The following TRMT44 variants were observed in gnomAD, a reference collection of about 807,000 sequenced individuals.
TRMT44 encodes the protein probable tRNA (uracil-O(2)-)-methyltransferase.
In TRMT44, 78 loss-of-function variants were observed where a neutral mutation model predicts 77.3. The observed-to-expected ratio is 1.01, with a 90% confidence interval of 0.84 to 1.22. The LOEUF is 1.22. TRMT44 is among the 50% of genes most tolerant of loss of function. The probability of loss-of-function intolerance (pLI) is 0.00; values close to 1 mark genes in which losing one functional copy is unlikely to be tolerated. For synonymous variants in TRMT44, 391 were observed against 383.3 expected (o/e 1.02, Z -0.23); for missense variants, 1,090 against 964.4 (o/e 1.13, Z -1.73).
chr4:8,458,464 CTTT>C (rs56203512), intron 6 of TRMT44, among the ~76,000 whole-genome samples: 4 of 130,318 alleles, frequency 3.1e-5, no homozygotes, highest in Admixed American at 8.0e-5. Context: ...CTTTTCTTTT[CTTT>C]TTTTTTTTTT....
In TRMT44 at chr4:8,465,532, G is replaced by T; in HGVS notation, c.1465G>T (p.Asp489Tyr). The change falls in exon 8 of 11, where the codon GAC becomes TAC. Residue 489 changes from aspartate to tyrosine, a missense_variant. Coordinates refer to ENST00000389737, the MANE Select transcript of TRMT44 (RefSeq NM_152544.3). ...GFTCGFHVDE[D>Y]CLRIPSTKRV... ...CACCTGTGGGTTTCACGTGGACGAA[G>T]ACTGCCTCAGGATTCCTTCAACCAA... 6.2e-7 allele frequency: 1 copy of T among 1,613,670 alleles called. No individual in the cohort carries two copies.
At chr4:8,442,703 C>T (rs1724827869) in intron 1 of TRMT44, among the ~76,000 whole-genome samples, 2 of 152,160 alleles carry the variant, frequency 1.3e-5, no homozygotes, top group South Asian at 2.1e-4. Flanking sequence ...GGACTGGGGT[C>T]CTTGTTCCCT....
Position 8,489,317 on chromosome 4 carries a change from C to T in TRMT44, n.3892-3949C>T, listed in dbSNP as rs1464215860. 2.0e-5 allele frequency among the ~76,000 whole-genome samples: 3 copies of T among 152,218 alleles called. No homozygotes were observed. The East Asian group carries it at 5.8e-4, about 29-fold the overall frequency. On this transcript the variant is annotated intron_variant and non_coding_transcript_variant, in intron 2 of 2. Coordinates refer to the TRMT44 transcript ENST00000511366. ...GGCCTCCTTATGGATGACAGTGAAACACCTATGCAAAAATTCTATCAGTGA... is the reference window on the plus strand; with the variant it reads ...GGCCTCCTTATGGATGACAGTGAAATACCTATGCAAAAATTCTATCAGTGA...
rs895413765 is a variant in TRMT44, at chr4:8,451,535, G to A, written c.955-425G>A. 6.6e-6 allele frequency among the ~76,000 whole-genome samples: 1 copy of A among 152,216 alleles called. No individual in the cohort carries two copies. The highest frequency in any genetic ancestry group is 2.1e-4 in the South Asian group (1 of 4,836). ...TTTATCCCTGTTTGACAGGTAGGGC[G>A]ACAGCAGCCACTGATGGACCAGGGG... On this transcript the variant is annotated intron_variant, in intron 3 of 10. Coordinates refer to ENST00000389737, the MANE Select transcript of TRMT44 (RefSeq NM_152544.3). The surrounding 1 kb of genome is among the most constrained non-coding windows in gnomAD (Gnocchi z 4.1).
At chr4:8,467,595 C>T (rs1425236526) in intron 8 of TRMT44, among the ~76,000 whole-genome samples, 1 of 152,176 alleles carries the variant, frequency 6.6e-6, no homozygotes, top group Admixed American at 6.5e-5. Flanking sequence ...ATCCTCCTGC[C>T]TCAGCCTCCT....
chr4:8,511,861 A>G, the TRMT44 span: 1 of 152,194 alleles, frequency 6.6e-6, no homozygotes, highest in African/African-American at 2.4e-5. Context: ...TCCATGTCCT[A>G]AAGGATAAGA....
intron 1 of TRMT44, among the ~76,000 whole-genome samples, chr4:8,443,269 G>A (rs972351286): frequency 2.6e-5 from 4 of 152,218 alleles, no homozygotes; most frequent in East Asian, 1.9e-4. Flanking sequence ...GGCAGTGCCC[G>A]TGAGGCCTTC....
chr4:8,462,028 G>C (rs1182564831), intron 6 of TRMT44, among the ~76,000 whole-genome samples: 1 of 152,206 alleles, frequency 6.6e-6, no homozygotes, highest in Non-Finnish European at 1.5e-5. Flanking sequence ...TATAACAACA[G>C]CCTGGTGGTG....
chr4:8,475,801 T>G lies in TRMT44; in HGVS notation c.2074T>G (p.Trp692Gly), dbSNP rs778320412. The G allele has an allele frequency of 1.1e-5, 18 of 1,614,042 alleles. No homozygotes were observed. The East Asian group carries it at 3.8e-4, about 34-fold the overall frequency. Residue 692 changes from tryptophan to glycine, a missense_variant, in exon 11 of 11, where the codon TGG (tryptophan) becomes GGG (glycine). Trp to Gly is a radical substitution (Grantham distance 184). Transcript: ENST00000389737. ...VVNGRVHIRD[W>G]REETLWKTKQ... ...GAATGGGAGAGTTCACATCCGCGAC[T>G]GGCGAGAGGAGACACTGTGGAAGAC...
In TRMT44 at chr4:8,446,119, G is replaced by A. The variant is rs1185088601; in HGVS notation, c.620-357G>A. On this transcript the variant is annotated intron_variant, in intron 1 of 10. Coordinates refer to ENST00000389737, the MANE Select transcript of TRMT44 (RefSeq NM_152544.3). This position sits in a 1 kb window ranked among gnomAD's most constrained non-coding sequence, Gnocchi z 4.3. ...AGTGTTCTGTGCCTTGCTCACACTC[G>A]AAGATCATGGTCAGGCTGTGGCAGA... is the stretch of plus-strand genomic sequence containing the variant. Among the ~76,000 whole-genome samples the A allele has an allele frequency of 1.3e-5, 2 of 152,188 alleles. No individual in the cohort carries two copies. Among genetic ancestry groups the A allele is most frequent in the African/African-American group, 2.4e-5 (1 of 41,434 alleles).
chr4:8,440,865 C>T lies in TRMT44; in HGVS notation c.43C>T (p.Leu15Phe), dbSNP rs1208514661. Residue 15 changes from leucine to phenylalanine, a missense_variant, in exon 1 of 11, where the codon CTT becomes TTT. Transcript: ENST00000389737. ...GRTGISYPGA[L>F]LPQGFWAAVE... is the part of the protein sequence containing the mutation. ...TACCGGGATCAGCTACCCAGGCGCGCTTCTCCCACAGGGCTTCTGGGCTGC... is the reference window on the plus strand; with the variant it reads ...TACCGGGATCAGCTACCCAGGCGCGTTTCTCCCACAGGGCTTCTGGGCTGC... The T allele has an allele frequency of 6.6e-7, 1 of 1,520,084 alleles. No individual in the cohort carries two copies. Among genetic ancestry groups the T allele is most frequent in the Non-Finnish European group, 8.8e-7 (1 of 1,140,528 alleles). 94.2% of individuals were successfully genotyped at this position (1,520,084 alleles called of 1,614,324 possible). A position where few individuals can be genotyped will look rare whatever the true frequency, so the allele number is the denominator to read the frequency against.
At position 8,461,171 on chromosome 4, in the gene TRMT44, C is replaced by G. The variant is rs1726128925; in HGVS notation, c.1204-2814C>G. 6.6e-6 allele frequency among the ~76,000 whole-genome samples: 1 copy of G among 151,986 alleles called. No homozygotes were observed. The highest frequency in any genetic ancestry group is 6.5e-5 in the Admixed American group (1 of 15,270). ...CCAGGGTGCTTACTCTTTGCTTGTA[C>G]ATTTACTCTTTGCTTTGTTTTACAG... On this transcript the variant is annotated intron_variant, in intron 6 of 10. Transcript: ENST00000389737. The surrounding 1 kb of genome is among the most constrained non-coding windows in gnomAD (Gnocchi z 4.6).
At chr4:8,466,430 G>A (rs1726549608) in intron 8 of TRMT44, among the ~76,000 whole-genome samples, 1 of 152,218 alleles carries the variant, frequency 6.6e-6, no homozygotes, top group South Asian at 2.1e-4. Flanking sequence ...GCCCACAGCG[G>A]GGAGGGCATG....
the TRMT44 span, among the ~76,000 whole-genome samples, chr4:8,513,390 A>G: frequency 6.6e-6 from 1 of 152,228 alleles, no homozygotes; most frequent in Non-Finnish European, 1.5e-5. Flanking sequence ...ACTGGCCCCC[A>G]TAATTCAATC....
chr4:8,486,819 G>C lies in TRMT44; in HGVS notation n.3892-6447G>C, dbSNP rs576367300. Among the ~76,000 whole-genome samples the C allele has an allele frequency of 4.7e-4, 71 of 152,308 alleles. 1 individual carries two copies. In the South Asian group the frequency reaches 0.015, roughly 31 times the overall value. On this transcript the variant is annotated intron_variant and non_coding_transcript_variant, in intron 2 of 2. Transcript: ENST00000511366. ...AACTGTAAACCGGACGGGGTGTGAGGAGGGGAGGTGATAAAAGGATTATAG... is the reference window on the plus strand; with the variant it reads ...AACTGTAAACCGGACGGGGTGTGAGCAGGGGAGGTGATAAAAGGATTATAG...
the TRMT44 span, among the ~76,000 whole-genome samples, chr4:8,506,457 TGGGAGGTAGTGACTGTCCTTCCAGCCC>T: frequency 6.6e-6 from 1 of 151,916 alleles, no homozygotes; most frequent in African/African-American, 2.4e-5. Context: ...CCTGCTGGGG[TGGGAGGTAGTGACTGTCCTTCCAGCCC>T]GGGCACCACT....
At chr4:8,506,394 C>T in the TRMT44 span, among the ~76,000 whole-genome samples, 1 of 152,246 alleles carries the variant, frequency 6.6e-6, no homozygotes, top group South Asian at 2.1e-4. Flanking sequence ...ATTTCTTTAA[C>T]AGTCTGTTTA....
chr4:8,506,453 G>A, the TRMT44 span, among the ~76,000 whole-genome samples: 2 of 152,264 alleles, frequency 1.3e-5, no homozygotes, highest in East Asian at 1.9e-4. Context: ...GCCGCCTGCT[G>A]GGGTGGGAGG....
chr4:8,450,124 G>T (rs1002163663), intron 3 of TRMT44, among the ~76,000 whole-genome samples: 1 of 151,418 alleles, frequency 6.6e-6, no homozygotes, highest in Admixed American at 6.6e-5. Context: ...ATGCCACCAC[G>T]CCTGGCTAAT....
Sources: allele counts gnomAD v4.1 joint callset (sites outside exome capture counted in the v4.1 genomes callset), GRCh38; gene constraint gnomAD v4.1.1; non-coding constraint Gnocchi (gnomAD v3.1); transcripts MANE v1.5; gene names NCBI Gene and HGNC (gene_info 2026-07-23, HGNC 2026-07-21).